The following IMMP2L variants were observed in gnomAD, a reference collection of about 807,000 sequenced individuals.
IMMP2L encodes the protein mitochondrial inner membrane protease subunit 2.
In IMMP2L, 18 loss-of-function variants were observed where a neutral mutation model predicts 19.3. The ratio of observed to expected loss-of-function variants is 0.93; its 90% CI spans 0.64 to 1.38. The LOEUF (loss-of-function observed/expected upper bound fraction) is 1.38. IMMP2L is among the 40% of genes most tolerant of loss of function. IMMP2L has a pLI of 0.00. For missense variants in IMMP2L, 233 were observed against 218.2 expected, an observed-to-expected ratio of 1.07 and a Z score of -0.43; for synonymous variants, 76 against 73.0, an observed-to-expected ratio of 1.04 and a Z score of -0.21.
intron 5 of IMMP2L, among the ~76,000 whole-genome samples, chr7:110,820,031 T>C (rs1584931383): frequency 2.0e-5 from 3 of 152,212 alleles, no homozygotes; most frequent in African/African-American, 7.2e-5. Context: ...GGTAACATTC[T>C]AAAATGTTTT....
At position 110,730,483 on chromosome 7, in the gene IMMP2L, G is replaced by A. The variant is rs12155335; in HGVS notation, c.409-66762C>T. 7.3e-3 allele frequency among the ~76,000 whole-genome samples: 1,112 copies of A among 152,112 alleles called. 7 individuals are homozygous for A. The highest frequency in any genetic ancestry group is 0.02 in the Middle Eastern group (6 of 294). ...CTGAAGGCTGCACTGTCAGCTTCCC[G>A]ACTTTTGAGGTTTTGGGAGTTGGAC... On this transcript the variant is annotated intron_variant, in intron 5 of 5. Transcript: ENST00000405709.
intron 3 of IMMP2L, among the ~76,000 whole-genome samples, chr7:111,471,923 C>T (rs1841308571): frequency 6.6e-6 from 1 of 152,022 alleles, no homozygotes; most frequent in Non-Finnish European, 1.5e-5. Context: ...ACTCAGGTCA[C>T]CTAGCTACTG....
chr7:110,825,188 G>T (rs1803364634), intron 5 of IMMP2L, among the ~76,000 whole-genome samples: 1 of 152,080 alleles, frequency 6.6e-6, no homozygotes, highest in Admixed American at 6.6e-5. Flanking sequence ...AATAAAAGAG[G>T]ACTCAAACAA....
rs148808649 is a variant in IMMP2L, at chr7:110,664,189, T to C, written c.409-468A>G. ...ATTCTCAGAGTTTCCCGCAGAGTCA[T>C]TGGTATCCTAGAGAGACTTTCTTTA... On this transcript the variant is annotated intron_variant, in intron 5 of 5. Coordinates refer to ENST00000405709, the MANE Select transcript of IMMP2L (RefSeq NM_032549.4). Among the ~76,000 whole-genome samples, 11 of 152,182 alleles carry C rather than the reference T, an allele frequency of 7.2e-5. No homozygotes were observed. The South Asian group carries it at 8.3e-4, about 11-fold the overall frequency.
At chr7:111,124,996 A>G in intron 3 of IMMP2L, 1 of 868,282 alleles carries the variant, frequency 1.2e-6, no homozygotes, top group East Asian at 2.7e-5. Flanking sequence ...CAAACAAACA[A>G]AAAAGTAAAA....
chr7:110,786,056 G>T (rs1468299659), intron 5 of IMMP2L, among the ~76,000 whole-genome samples: 1 of 151,784 alleles, frequency 6.6e-6, no homozygotes, highest in African/African-American at 2.4e-5. Context: ...TCAGAAAAAG[G>T]ATGCTTACTA....
At chr7:110,688,730 T>C (rs1339610472) in intron 5 of IMMP2L, among the ~76,000 whole-genome samples, 1 of 152,064 alleles carries the variant, frequency 6.6e-6, no homozygotes, top group Admixed American at 6.6e-5. Context: ...ACAATAAAGA[T>C]ATATATAGTA....
chr7:111,202,778 T>A (rs778723512), intron 3 of IMMP2L, among the ~76,000 whole-genome samples: 1 of 152,130 alleles, frequency 6.6e-6, no homozygotes, highest in African/African-American at 2.4e-5. Context: ...CCAATAATGA[T>A]TGATTAGTAG....
At chr7:111,444,544 C>A (rs1585123492) in intron 3 of IMMP2L, among the ~76,000 whole-genome samples, 1 of 152,090 alleles carries the variant, frequency 6.6e-6, no homozygotes, top group Non-Finnish European at 1.5e-5. Flanking sequence ...TTGTTAAGTG[C>A]CTGCAAATAA....
At chr7:111,318,932 T>C (rs1824388140) in intron 3 of IMMP2L, among the ~76,000 whole-genome samples, 1 of 152,160 alleles carries the variant, frequency 6.6e-6, no homozygotes, top group African/African-American at 2.4e-5. Context: ...GCCTGCCATT[T>C]AGCCACAAGT....
At chr7:111,090,979 CAGCA>C (rs1796797435) in intron 3 of IMMP2L, 1 of 152,188 alleles carries the variant, frequency 6.6e-6, no homozygotes, top group Non-Finnish European at 1.5e-5. Flanking sequence ...GTATCCTAAG[CAGCA>C]GTGTCATAGA....
At chr7:111,140,992 G>A (rs911001117) in intron 3 of IMMP2L, among the ~76,000 whole-genome samples, 1 of 152,068 alleles carries the variant, frequency 6.6e-6, no homozygotes, top group African/African-American at 2.4e-5. Context: ...GTGATGAAGT[G>A]GTTTAAGAAT....
intron 3 of IMMP2L, among the ~76,000 whole-genome samples, chr7:111,407,123 G>C (rs1283667559): frequency 6.6e-6 from 1 of 151,914 alleles, no homozygotes; most frequent in African/African-American, 2.4e-5. Flanking sequence ...CACACACTAG[G>C]ATAGCTAAAA....
At chr7:111,254,988 C>T (rs192630551) in intron 3 of IMMP2L, among the ~76,000 whole-genome samples, 40 of 152,110 alleles carry the variant, frequency 2.6e-4, no homozygotes, top group Admixed American at 9.2e-4. Context: ...TAATTATCCA[C>T]GATCCTATAA....
intron 3 of IMMP2L, among the ~76,000 whole-genome samples, chr7:111,048,907 A>T (rs191251649): frequency 6.6e-6 from 1 of 152,210 alleles, no homozygotes; most frequent in East Asian, 1.9e-4. Flanking sequence ...ATTCTGACAT[A>T]TCCAAATGCT....
At chr7:111,228,966 CGTGTGTGTGTGTGTGT>C (rs10530563) in intron 3 of IMMP2L, among the ~76,000 whole-genome samples, 2 of 143,948 alleles carry the variant, frequency 1.4e-5, no homozygotes, top group South Asian at 2.3e-4. Flanking sequence ...ACTAGCAATG[CGTGTGTGTGTGTGTGT>C]GTGTGTGTGT....
intron 3 of IMMP2L, among the ~76,000 whole-genome samples, chr7:111,469,335 T>C (rs1056463603): frequency 2.6e-5 from 4 of 152,126 alleles, no homozygotes; most frequent in Non-Finnish European, 5.9e-5. Context: ...AATCTATAAA[T>C]TACCTTGGGC....
chr7:110,957,182 G>A (rs1818438752), intron 4 of IMMP2L, among the ~76,000 whole-genome samples: 1 of 151,682 alleles, frequency 6.6e-6, no homozygotes, highest in East Asian at 1.9e-4. Flanking sequence ...GAAATTTCAG[G>A]CCCTCCCCAG....
At chr7:111,353,561 T>C (rs1306169940) in intron 3 of IMMP2L, among the ~76,000 whole-genome samples, 1 of 152,148 alleles carries the variant, frequency 6.6e-6, no homozygotes, top group Non-Finnish European at 1.5e-5. Flanking sequence ...TTAAGCCAAC[T>C]AGAAGTTTCA....
Sources: allele counts gnomAD v4.1 joint callset (sites outside exome capture counted in the v4.1 genomes callset), GRCh38; gene constraint gnomAD v4.1.1; transcripts MANE v1.5; gene names NCBI Gene and HGNC (gene_info 2026-07-23, HGNC 2026-07-21).